The following GALNT17 variants were observed in gnomAD, a reference collection of about 807,000 sequenced individuals.
GALNT17 encodes UDP-GalNAc:polypeptide N-acetylgalactosaminyltransferase-like 3.
In GALNT17, 29 loss-of-function variants were observed where a neutral mutation model predicts 63.7. That is an observed-to-expected ratio of 0.46 (90% CI 0.34 to 0.62). The LOEUF is 0.62. Ranked by LOEUF, GALNT17 falls within the 20% of genes least tolerant of loss-of-function variation. GALNT17 has a pLI of 0.01. For synonymous variants in GALNT17, 305 were observed against 318.3 expected (o/e 0.96, Z 0.45); for missense variants, 603 against 799.6 (o/e 0.75, Z 2.97).
intron 1 of GALNT17, among the ~76,000 whole-genome samples, chr7:71,194,302 G>A (rs1042997738): frequency 6.6e-6 from 1 of 152,208 alleles, no homozygotes; most frequent in African/African-American, 2.4e-5. Flanking sequence ...AGCTTAGACT[G>A]TGGTCCTCAT....
chr7:71,362,690 C>T (rs964587704), intron 2 of GALNT17, among the ~76,000 whole-genome samples: 1 of 152,030 alleles, frequency 6.6e-6, no homozygotes, highest in African/African-American at 2.4e-5. Context: ...TTTTTCTTGG[C>T]AAAAGTGCCC....
At chr7:71,153,591 A>T (rs575993799) in intron 1 of GALNT17, among the ~76,000 whole-genome samples, 99 of 152,100 alleles carry the variant, frequency 6.5e-4, no homozygotes, top group Non-Finnish European at 1.2e-3. Context: ...GAGGAATAGG[A>T]AACAATTGTC....
chr7:71,580,766 G>A (rs1227876216), intron 6 of GALNT17, among the ~76,000 whole-genome samples: 1 of 152,096 alleles, frequency 6.6e-6, no homozygotes, highest in Non-Finnish European at 1.5e-5. Context: ...AAGGAGCACT[G>A]TTGGAGGAGG....
At chr7:71,193,454 C>CTTTTTTTTTT (rs1159902249) in intron 1 of GALNT17, among the ~76,000 whole-genome samples, 6 of 107,314 alleles carry the variant, frequency 5.6e-5, no homozygotes, top group East Asian at 2.9e-4. Flanking sequence ...ACGCTTTTGT[C>CTTTTTTTTTT]TTTTTTTTTT....
chr7:71,361,312 A>C (rs749171293), intron 2 of GALNT17, among the ~76,000 whole-genome samples: 1 of 152,188 alleles, frequency 6.6e-6, no homozygotes, highest in Non-Finnish European at 1.5e-5. Context: ...TGAGTCTTGC[A>C]TTTTACCTGT....
chr7:71,133,745 A>C (rs1015405015), intron 1 of GALNT17, among the ~76,000 whole-genome samples: 1 of 152,184 alleles, frequency 6.6e-6, no homozygotes, highest in African/African-American at 2.4e-5. Flanking sequence ...TGTTGTGCTC[A>C]GTACTTCAGG....
intron 2 of GALNT17, among the ~76,000 whole-genome samples, chr7:71,344,318 A>G (rs28525178): frequency 2.6e-4 from 39 of 152,326 alleles, no homozygotes; most frequent in Admixed American, 7.2e-4. Context: ...AAAGAAAGGA[A>G]TTGCAATTCC....
chr7:71,573,393 C>T (rs982025113), intron 6 of GALNT17, among the ~76,000 whole-genome samples: 5 of 151,950 alleles, frequency 3.3e-5, no homozygotes, highest in South Asian at 2.1e-4. Flanking sequence ...TGCAGTGGCG[C>T]GATCTCGGCT....
intron 1 of GALNT17, among the ~76,000 whole-genome samples, chr7:71,305,350 G>A (rs988151961): frequency 4.6e-5 from 7 of 152,096 alleles, no homozygotes; most frequent in Non-Finnish European, 8.8e-5. Flanking sequence ...TATTCCTGGG[G>A]CAATTCTCCT....
At chr7:71,512,533 G>C (rs6949362) in intron 5 of GALNT17, among the ~76,000 whole-genome samples, 147,095 of 152,284 alleles carry the variant, frequency 0.97, 71,077 homozygotes, top group East Asian at 1. Flanking sequence ...CAGTCAGCTT[G>C]GGCCATGAGC....
chr7:71,191,590 C>T (rs996521910), intron 1 of GALNT17, among the ~76,000 whole-genome samples: 6 of 152,174 alleles, frequency 3.9e-5, no homozygotes, highest in Non-Finnish European at 7.3e-5. Context: ...GACCCCAATA[C>T]ATGTTGTTTA....
intron 1 of GALNT17, among the ~76,000 whole-genome samples, chr7:71,213,104 A>G (rs1789412586): frequency 6.6e-6 from 1 of 152,192 alleles, no homozygotes; most frequent in Admixed American, 6.5e-5. Context: ...CTTGAGTTGT[A>G]TCTCCCAGAA....
intron 1 of GALNT17, among the ~76,000 whole-genome samples, chr7:71,317,062 C>T (rs1391809541): frequency 1.3e-5 from 2 of 152,190 alleles, no homozygotes; most frequent in Admixed American, 6.5e-5. Flanking sequence ...CCTGCACACA[C>T]CTGCGGCCTC....
At chr7:71,192,208 C>T (rs551437959) in intron 1 of GALNT17, among the ~76,000 whole-genome samples, 85 of 152,194 alleles carry the variant, frequency 5.6e-4, no homozygotes, top group Admixed American at 3.0e-3. Context: ...ATTCTAGCCA[C>T]ACTGGCAGCT....
At chr7:71,250,842 G>A (rs1013178302) in intron 1 of GALNT17, among the ~76,000 whole-genome samples, 3 of 152,130 alleles carry the variant, frequency 2.0e-5, no homozygotes, top group Non-Finnish European at 4.4e-5. Flanking sequence ...CCTTCTGTGT[G>A]CGCCTTTCTT....
At position 71,712,454 on chromosome 7, in the gene GALNT17, A is replaced by G. The variant is rs1719302540; in HGVS notation, c.*308A>G. The G allele has an allele frequency of 5.0e-6, 1 of 198,094 alleles. No homozygotes were observed. The highest frequency in any genetic ancestry group is 1.0e-5 in the Non-Finnish European group (1 of 97,952). 12.3% of individuals were successfully genotyped at this position (198,094 alleles called of 1,614,324 possible). A position where few individuals can be genotyped will look rare whatever the true frequency, so the allele number is the denominator to read the frequency against. ...GAGCAAGACTGTCCAGTTCTCCTCC[A>G]CATCTCCCATCCCAGAATCAGGATC... On this transcript the variant is annotated 3_prime_UTR_variant, in exon 11 of 11. Transcript: ENST00000333538.
chr7:71,442,631 C>G (rs1017685149), intron 5 of GALNT17, among the ~76,000 whole-genome samples: 1 of 152,154 alleles, frequency 6.6e-6, no homozygotes, highest in African/African-American at 2.4e-5. Context: ...CTACCAGGCA[C>G]GCAGAGAGTC....
intron 2 of GALNT17, among the ~76,000 whole-genome samples, chr7:71,374,793 G>A (rs1423850157): frequency 6.6e-6 from 1 of 151,428 alleles, no homozygotes; most frequent in Non-Finnish European, 1.5e-5. Context: ...CTGGGGTATA[G>A]GATCTGACTG....
chr7:71,516,350 A>G (rs1788444720), intron 5 of GALNT17, among the ~76,000 whole-genome samples: 2 of 152,186 alleles, frequency 1.3e-5, no homozygotes, highest in African/African-American at 4.8e-5. Context: ...CATGATTAGT[A>G]GCAGACAAAG....
Sources: gnomAD v4.1 joint callset for allele counts (sites outside exome capture counted in the v4.1 genomes callset) on GRCh38, gnomAD v4.1.1 for gene constraint, MANE v1.5 for transcripts, NCBI Gene and HGNC (gene_info 2026-07-23, HGNC 2026-07-21) for gene names.